PTPRD: variants seen among roughly 807,000 people sequenced by gnomAD.
PTPRD encodes protein tyrosine phosphatase receptor type D.
A neutral mutation model predicts 214.5 loss-of-function variants in PTPRD; 34 were observed. That is an observed-to-expected ratio of 0.16 (90% confidence interval 0.12 to 0.21). The LOEUF (loss-of-function observed/expected upper bound fraction) is 0.21. Ranked by LOEUF, PTPRD falls within the 10% of genes least tolerant of loss-of-function variation. The pLI is 1.00. For synonymous variants in PTPRD, 1,128 were observed against 845.7 expected (o/e 1.33, Z -5.79); for missense variants, 2,545 against 2,398.7 (o/e 1.06, Z -1.27).
At chr9:9,007,084 A>G (rs2099475225) in intron 11 of PTPRD, among the ~76,000 whole-genome samples, 1 of 152,006 alleles carries the variant, frequency 6.6e-6, no homozygotes, top group Admixed American at 6.6e-5. Flanking sequence ...AAATTATAAA[A>G]TTAAAATACT....
At chr9:9,118,123 T>C (rs540202195) in intron 10 of PTPRD, among the ~76,000 whole-genome samples, 14 of 152,312 alleles carry the variant, frequency 9.2e-5, no homozygotes, top group African/African-American at 3.4e-4. Flanking sequence ...TTTTTGATCA[T>C]TGCATTACCT....
At chr9:8,335,965 A>G (rs988714584) in intron 43 of PTPRD, among the ~76,000 whole-genome samples, 7 of 152,290 alleles carry the variant, frequency 4.6e-5, no homozygotes, top group African/African-American at 1.4e-4. Flanking sequence ...ATAAGAGAGG[A>G]CACAAATGGA....
At position 8,644,696 on chromosome 9, in the gene PTPRD, G is replaced by A. The variant is rs115287394; in HGVS notation, c.65-7852C>T. 1.5e-3 allele frequency among the ~76,000 whole-genome samples: 227 copies of A among 152,278 alleles called. 1 individual carries two copies. The highest frequency in any genetic ancestry group is 5.1e-3 in the African/African-American group (210 of 41,560). On this transcript the variant is annotated intron_variant, in intron 12 of 45. Coordinates refer to ENST00000381196, the MANE Select transcript of PTPRD (RefSeq NM_002839.4). The stretch of plus-strand genomic sequence containing the variant: ...CTGCTGTGGTGCTCCTGGTCCAACC[G>A]CTGCCTCACGGAGAACTGGCAGCCA...
At chr9:10,499,273 T>C (rs1475883053) in intron 2 of PTPRD, among the ~76,000 whole-genome samples, 2 of 151,962 alleles carry the variant, frequency 1.3e-5, no homozygotes, top group Non-Finnish European at 2.9e-5. Flanking sequence ...TGTGAGAACA[T>C]GCAGTGTTTG....
At chr9:8,874,693 G>C (rs2098361165) in intron 11 of PTPRD, among the ~76,000 whole-genome samples, 1 of 152,178 alleles carries the variant, frequency 6.6e-6, no homozygotes, top group Admixed American at 6.5e-5. Context: ...ATAGCTGCAT[G>C]TCATGGAATG....
intron 8 of PTPRD, among the ~76,000 whole-genome samples, chr9:9,461,189 G>C (rs2093623360): frequency 8.6e-6 from 1 of 115,694 alleles, no homozygotes; most frequent in African/African-American, 2.9e-5. Flanking sequence ...AATGGAAGTA[G>C]GGTTGAGGTT....
intron 9 of PTPRD, among the ~76,000 whole-genome samples, chr9:9,371,967 G>T (rs2059630437): frequency 6.6e-6 from 1 of 152,122 alleles, no homozygotes; most frequent in South Asian, 2.1e-4. Context: ...ATTGCACTGT[G>T]GTCTGAGAGA....
chr9:8,686,381 T>G (rs535452788), intron 12 of PTPRD, among the ~76,000 whole-genome samples: 1 of 152,194 alleles, frequency 6.6e-6, no homozygotes, highest in Admixed American at 6.5e-5. Context: ...CATTTGTGAA[T>G]GTAGGCACAG....
chr9:9,716,471 C>T (rs1044834287), intron 7 of PTPRD, among the ~76,000 whole-genome samples: 6 of 151,892 alleles, frequency 4.0e-5, no homozygotes, highest in South Asian at 2.1e-4. Context: ...GTCCCACCAA[C>T]AGTGTAAAAG....
chr9:8,444,746 A>C (rs2133134226), intron 34 of PTPRD, among the ~76,000 whole-genome samples: 1 of 152,294 alleles, frequency 6.6e-6, no homozygotes, highest in Non-Finnish European at 1.5e-5. Flanking sequence ...CCCAATAAAC[A>C]TGTTGCTTTT....
intron 35 of PTPRD, among the ~76,000 whole-genome samples, chr9:8,424,664 G>A (rs1590058105): frequency 6.6e-6 from 1 of 151,906 alleles, no homozygotes; most frequent in Admixed American, 6.6e-5. Context: ...TAAACTGGCA[G>A]AAAATAAAGA....
intron 23 of PTPRD, among the ~76,000 whole-genome samples, chr9:8,503,155 T>A (rs544353497): frequency 6.6e-6 from 1 of 152,106 alleles, no homozygotes; most frequent in East Asian, 1.9e-4. Context: ...GGGAAAAACA[T>A]AAATTTTATT....
intron 7 of PTPRD, among the ~76,000 whole-genome samples, chr9:9,582,736 G>A (rs114002921): frequency 0.023 from 3,491 of 151,940 alleles, 148 homozygotes; most frequent in African/African-American, 0.079. Flanking sequence ...ATATTTGTGT[G>A]GTATATTCTT....
intron 20 of PTPRD, among the ~76,000 whole-genome samples, chr9:8,518,664 C>T (rs2097831598): frequency 6.6e-6 from 1 of 152,132 alleles, no homozygotes; most frequent in Non-Finnish European, 1.5e-5. Context: ...GGCTTGTATC[C>T]AAATCCTCTA....
intron 35 of PTPRD, among the ~76,000 whole-genome samples, chr9:8,428,978 G>C (rs2094872764): frequency 1.3e-5 from 2 of 152,112 alleles, no homozygotes; most frequent in African/African-American, 4.8e-5. Context: ...GACAATTTTT[G>C]TCCCCTCTGC....
At chr9:10,300,758 G>T (rs552524544) in intron 3 of PTPRD, among the ~76,000 whole-genome samples, 1 of 152,228 alleles carries the variant, frequency 6.6e-6, no homozygotes, top group East Asian at 1.9e-4. Flanking sequence ...AAAGGCAGCA[G>T]CCCAGGTGAG....
intron 3 of PTPRD, among the ~76,000 whole-genome samples, chr9:10,188,760 G>A (rs1374519947): frequency 6.6e-6 from 1 of 152,032 alleles, no homozygotes; most frequent in African/African-American, 2.4e-5. Flanking sequence ...GAAGCAAATA[G>A]GTTGATTAAT....
chr9:9,317,899 C>G (rs1197945236), intron 9 of PTPRD, among the ~76,000 whole-genome samples: 1 of 151,970 alleles, frequency 6.6e-6, no homozygotes, highest in African/African-American at 2.4e-5. Context: ...CAGCCGGGTG[C>G]GGTGGCTCAC....
chr9:10,585,508 C>A (rs968178459), intron 2 of PTPRD, among the ~76,000 whole-genome samples: 1 of 151,818 alleles, frequency 6.6e-6, no homozygotes, highest in African/African-American at 2.4e-5. Context: ...TATTTCAAAC[C>A]CAAAGAATTT....
Sources: allele counts gnomAD v4.1 joint callset (sites outside exome capture counted in the v4.1 genomes callset), GRCh38; gene constraint gnomAD v4.1.1; transcripts MANE v1.5; gene names NCBI Gene and HGNC (gene_info 2026-07-23, HGNC 2026-07-21).